Variants in CYTH1 observed in about 807,000 individuals in gnomAD.
The protein encoded by CYTH1 is cytohesin 1.
Under a neutral mutation model 61.8 loss-of-function variants are expected in CYTH1, and 18 were observed. That is an observed-to-expected ratio of 0.29 (90% CI 0.20 to 0.43). CYTH1 has a LOEUF of 0.43. Among genes scored for constraint, CYTH1 ranks in the 20% least tolerant of loss-of-function variants. CYTH1 has a pLI of 1.00. For synonymous variants in CYTH1, 174 were observed against 184.3 expected, an observed-to-expected ratio of 0.94 and a Z score of 0.45; for missense variants, 336 against 510.5, an observed-to-expected ratio of 0.66 and a Z score of 3.29.
At chr17:78,780,553 G>A (rs1159564910) in intron 1 of CYTH1, among the ~76,000 whole-genome samples, 1 of 152,006 alleles carries the variant, frequency 6.6e-6, no homozygotes, top group Non-Finnish European at 1.5e-5. Context: ...AAATGCACAA[G>A]CTGCTTTTAC....
At chr17:78,730,825 C>T (rs1436532744) in intron 1 of CYTH1, among the ~76,000 whole-genome samples, 7 of 151,750 alleles carry the variant, frequency 4.6e-5, no homozygotes, top group African/African-American at 1.2e-4. Context: ...CCACCACGCC[C>T]GGCTAATTTT....
chr17:78,776,021 G>A (rs1251806309), intron 1 of CYTH1, among the ~76,000 whole-genome samples: 3 of 152,160 alleles, frequency 2.0e-5, no homozygotes, highest in African/African-American at 7.2e-5. Context: ...CGGGTGTGGT[G>A]GCACATGCCT....
chr17:78,767,385 T>A (rs2093453135), intron 1 of CYTH1, among the ~76,000 whole-genome samples: 1 of 152,178 alleles, frequency 6.6e-6, no homozygotes, highest in African/African-American at 2.4e-5. Context: ...CCCATAGCAT[T>A]TGTTGGTATT....
At chr17:78,749,499 G>A (rs1160753670) in intron 1 of CYTH1, among the ~76,000 whole-genome samples, 1 of 151,854 alleles carries the variant, frequency 6.6e-6, no homozygotes, top group Admixed American at 6.6e-5. Context: ...AAGTTTGGTG[G>A]GTGTGCCTGT....
At chr17:78,727,590 G>C in intron 1 of CYTH1, 1 of 445,410 alleles carries the variant, frequency 2.2e-6, no homozygotes, top group East Asian at 7.3e-5. Context: ...GTAAGAAGGA[G>C]CTGACTAGGG....
chr17:78,711,918 A>C (rs1006022048), intron 1 of CYTH1, among the ~76,000 whole-genome samples: 5 of 151,912 alleles, frequency 3.3e-5, no homozygotes, highest in African/African-American at 1.2e-4. Context: ...TCTACTAAAA[A>C]AAATACAAAA....
chr17:78,680,851 AT>A, intron 12 of CYTH1, 119 bp downstream of exon 12: 1 of 976,994 alleles, frequency 1.0e-6, no homozygotes, highest in Non-Finnish European at 1.6e-6. Context: ...ATAATAAAAA[AT>A]TAGACTAAAT....
chr17:78,702,287 G>T, intron 4 of CYTH1, 47 bp from the exon 5 acceptor site: 1 of 1,501,306 alleles, frequency 6.7e-7, no homozygotes, highest in Non-Finnish European at 9.3e-7. Flanking sequence ...CTGGGAAACA[G>T]TTGAAAAGAA....
intron 3 of CYTH1, among the ~76,000 whole-genome samples, chr17:78,706,225 C>T (rs1403475977): frequency 3.3e-5 from 5 of 152,102 alleles, no homozygotes; most frequent in African/African-American, 9.7e-5. Flanking sequence ...CTTGAAGCAC[C>T]ACTCAGATTA....
intron 1 of CYTH1, among the ~76,000 whole-genome samples, chr17:78,767,028 G>A (rs1031298758): frequency 6.6e-6 from 1 of 152,196 alleles, no homozygotes; most frequent in Non-Finnish European, 1.5e-5. Flanking sequence ...GGTTCAATGA[G>A]AACTTACGAA....
intron 1 of CYTH1, among the ~76,000 whole-genome samples, chr17:78,765,102 G>A (rs533315780): frequency 1.3e-5 from 2 of 152,244 alleles, no homozygotes; most frequent in African/African-American, 4.8e-5. Flanking sequence ...CCGAGCTGGG[G>A]AGCGTGCCTG....
In CYTH1 at chr17:78,766,761, A is replaced by C. The variant is rs148066655; in HGVS notation, c.22+15441T>G. On this transcript the variant is annotated intron_variant, in intron 1 of 13. Coordinates refer to ENST00000446868, the MANE Select transcript of CYTH1 (RefSeq NM_004762.6). ...TCTGAGAGGTCTGAGAAAAAGAAAA[A>C]ACAATGAAAAGACATAAATAGCATA... is the stretch of plus-strand genomic sequence containing the variant. Among the ~76,000 whole-genome samples the C allele has an allele frequency of 6.6e-5, 10 of 152,252 alleles. No homozygotes were observed. The East Asian group carries it at 1.9e-3, about 29-fold the overall frequency.
At chr17:78,735,925 G>A (rs1404626364) in intron 1 of CYTH1, among the ~76,000 whole-genome samples, 1 of 152,176 alleles carries the variant, frequency 6.6e-6, no homozygotes, top group African/African-American at 2.4e-5. Context: ...AGGGCTTTAA[G>A]ACACAGCTCT....
At chr17:78,768,287 G>A (rs1029631628) in intron 1 of CYTH1, among the ~76,000 whole-genome samples, 3 of 152,044 alleles carry the variant, frequency 2.0e-5, no homozygotes, top group Admixed American at 2.0e-4. Context: ...CTTCAGTGGT[G>A]GTATTCCAAG....
At chr17:78,760,456 CAT>C (rs1183426753) in intron 1 of CYTH1, among the ~76,000 whole-genome samples, 4 of 29,426 alleles carry the variant, frequency 1.4e-4, no homozygotes, top group African/African-American at 6.3e-4. Flanking sequence ...TATATATATA[CAT>C]ACATATATAT....
In CYTH1 at chr17:78,756,580, A is replaced by T. The variant is rs1263582754; in HGVS notation, c.22+25622T>A. ...GAGGCTATTTGAAGTCCTTCAGAGA[A>T]CTGAGTGACACAGTGAGACCCCATC... is the stretch of plus-strand genomic sequence containing the variant. On this transcript the variant is annotated intron_variant, in intron 1 of 13. Transcript: ENST00000446868. Among the ~76,000 whole-genome samples, 3 of 152,178 alleles carry T rather than the reference A, an allele frequency of 2.0e-5. 1 individual carries two copies. Among genetic ancestry groups the T allele is most frequent in the African/African-American group, 7.2e-5 (3 of 41,434 alleles).
chr17:78,703,954 G>C (rs768327271), intron 3 of CYTH1, among the ~76,000 whole-genome samples: 16 of 152,188 alleles, frequency 1.1e-4, no homozygotes, highest in Non-Finnish European at 2.2e-4. Flanking sequence ...CCCAGGGGTG[G>C]ACACTGCTGG....
chr17:78,770,340 G>A (rs866991183), intron 1 of CYTH1, among the ~76,000 whole-genome samples: 100 of 90,348 alleles, frequency 1.1e-3, no homozygotes, highest in Middle Eastern at 4.8e-3. Flanking sequence ...AAAAAAAAAA[G>A]AAAAGAAAAG....
At chr17:78,678,089 C>T (rs1489423776) in intron 13 of CYTH1, 2 of 152,372 alleles carry the variant, frequency 1.3e-5, no homozygotes, top group Non-Finnish European at 2.9e-5. Context: ...GATCCCGAGG[C>T]TGAGGCCAGC....
Sources: gnomAD v4.1 joint callset for allele counts (sites outside exome capture counted in the v4.1 genomes callset) on GRCh38, gnomAD v4.1.1 for gene constraint, MANE v1.5 for transcripts, NCBI Gene and HGNC (gene_info 2026-07-23, HGNC 2026-07-21) for gene names.